SCN3A: variants seen among roughly 807,000 people sequenced by gnomAD.
The protein encoded by SCN3A is sodium voltage-gated channel alpha subunit 3, also known as sodium channel protein type 3 subunit alpha.
Under a neutral mutation model 187.6 loss-of-function variants are expected in SCN3A, and 60 were observed. The ratio of observed to expected loss-of-function variants is 0.32; its 90% confidence interval spans 0.26 to 0.40. The LOEUF is 0.40. Ranked by LOEUF, SCN3A falls within the 10% of genes least tolerant of loss-of-function variation. The pLI is 1.00. For missense variants in SCN3A, 1,601 were observed against 2,428.2 expected, an observed-to-expected ratio of 0.66 and a Z score of 7.16; for synonymous variants, 788 against 829.2, an observed-to-expected ratio of 0.95 and a Z score of 0.85.
At chr2:165,095,897 G>T (rs552501765) in intron 24 of SCN3A, among the ~76,000 whole-genome samples, 1 of 151,850 alleles carries the variant, frequency 6.6e-6, no homozygotes, top group African/African-American at 2.4e-5. Flanking sequence ...CATAAATACG[G>T]TGATATAAGC....
intron 14 of SCN3A, 81 bp from the exon 15 acceptor site, chr2:165,138,198 CA>C (rs1687785975): frequency 4.1e-6 from 4 of 980,546 alleles, no homozygotes; most frequent in Non-Finnish European, 6.6e-6. Flanking sequence ...CATTATTTAA[CA>C]AAATTGATGC....
chr2:165,193,717 C>T (rs1559282661), intron 1 of SCN3A, among the ~76,000 whole-genome samples: 2 of 152,008 alleles, frequency 1.3e-5, no homozygotes, highest in Non-Finnish European at 2.9e-5. Context: ...AAATTGAGAA[C>T]TGGGAACTTG....
At chr2:165,175,181 T>C (rs1276730231) in intron 3 of SCN3A, among the ~76,000 whole-genome samples, 2 of 152,218 alleles carry the variant, frequency 1.3e-5, no homozygotes, top group Non-Finnish European at 2.9e-5. Context: ...AGGTGTTTAA[T>C]ATCTTCCATA....
At position 165,113,045 on chromosome 2, in the gene SCN3A, A is replaced by G. The variant is rs766254817; in HGVS notation, c.3683T>C (p.Ile1228Thr). ...LSSGALAFED[I>T]YIEQRKTIKT... ...GATAGTCTTTCGCTGTTCAATGTAT[A>G]TATCTTCAAAGGCCTATGAATCAAA... Residue 1228 changes from isoleucine (I) to threonine (T), a missense_variant, in exon 21 of 28, where the codon ATA becomes ACA. Around this residue, in one of 11 missense-constraint regions of SCN3A, gnomAD observed 267 missense variants for 313.2 expected, o/e 0.85. Coordinates refer to ENST00000283254, the MANE Select transcript of SCN3A (RefSeq NM_006922.4). 8.7e-6 allele frequency: 14 copies of G among 1,611,832 alleles called. No homozygotes were observed. Among genetic ancestry groups the G allele is most frequent in the Non-Finnish European group, 1.1e-5 (13 of 1,178,764 alleles).
rs1158948700 is a variant in SCN3A at position 165,090,584 on chromosome 2, T to C, written c.5569A>G (p.Thr1857Ala). Residue 1857 changes from threonine to alanine, a missense_variant, in exon 28 of 28, where the codon ACA becomes GCA. Thr to Ala is a moderately conservative substitution (Grantham distance 58). Coordinates refer to ENST00000283254, the MANE Select transcript of SCN3A (RefSeq NM_006922.4). This position sits in a 1 kb window ranked among gnomAD's most constrained non-coding sequence, Gnocchi z 4.0. Reference protein sequence around the residue: ...IHCLDILFAFTKRVLGESGEM... With the variant: ...IHCLDILFAFAKRVLGESGEM... Reference sequence around the variant, plus strand: ...CCACTCTCACCCAAAACACGCTTTGTAAAGGCAAATAAAATATCAAGACAG... The same window carrying C: ...CCACTCTCACCCAAAACACGCTTTGCAAAGGCAAATAAAATATCAAGACAG... 6.2e-7 allele frequency: 1 copy of C among 1,613,942 alleles called. No homozygotes were observed. The highest frequency in any genetic ancestry group is 1.7e-5 in the Admixed American group (1 of 59,980).
chr2:165,155,532 T>C (rs935303905), intron 10 of SCN3A, among the ~76,000 whole-genome samples: 8 of 152,076 alleles, frequency 5.3e-5, no homozygotes, highest in African/African-American at 1.9e-4. Flanking sequence ...CCCTTGTAGC[T>C]AGGGCTACAG....
At chr2:165,108,143 T>C (rs924507085) in intron 21 of SCN3A, among the ~76,000 whole-genome samples, 1 of 152,160 alleles carries the variant, frequency 6.6e-6, no homozygotes. Context: ...TAATTTTCAC[T>C]ATTATTATGT....
intron 11 of SCN3A, among the ~76,000 whole-genome samples, chr2:165,152,810 T>C (rs888257402): frequency 6.6e-6 from 1 of 152,064 alleles, no homozygotes; most frequent in Non-Finnish European, 1.5e-5. Context: ...TTAGGAGGTA[T>C]ACCTAATGTA....
chr2:165,095,474 C>G (rs1010930396), intron 25 of SCN3A, 37 bp downstream of exon 25: 67 of 1,602,304 alleles, frequency 4.2e-5, no homozygotes, highest in Non-Finnish European at 5.3e-5. Context: ...AGACAGAACC[C>G]CAGAATGAAG....
chr2:165,131,373 A>G lies in SCN3A; in HGVS notation c.2436T>C (p.Ile812=). ...GGAAATAGTAATAAGGATCCATGGC[A>G]ATGATCTTGAGAACCATTTCTGCTG... ...IFTAEMVLKI[I]AMDPYYYFQE... The change falls in exon 16 of 28, where the codon ATT becomes ATC. Residue 812 remains isoleucine (I), a synonymous_variant. Coordinates refer to ENST00000283254, the MANE Select transcript of SCN3A (RefSeq NM_006922.4). 1 of 1,606,518 alleles carries G rather than the reference A, an allele frequency of 6.2e-7. No individual in the cohort carries two copies. Among genetic ancestry groups the G allele is most frequent in the Non-Finnish European group, 8.5e-7 (1 of 1,175,416 alleles).
intron 11 of SCN3A, among the ~76,000 whole-genome samples, chr2:165,150,397 C>T (rs1166535841): frequency 6.6e-6 from 1 of 152,188 alleles, no homozygotes; most frequent in Non-Finnish European, 1.5e-5. Flanking sequence ...TCTGTCTTTG[C>T]CTCCACTTCC....
intron 5 of SCN3A, among the ~76,000 whole-genome samples, chr2:165,167,832 A>T (rs947004346): frequency 6.6e-6 from 1 of 152,154 alleles, no homozygotes; most frequent in African/African-American, 2.4e-5. Context: ...ATACTAATAC[A>T]CAACATCCAC....
chr2:165,197,934 T>A (rs1692069708), intron 1 of SCN3A, among the ~76,000 whole-genome samples: 2 of 152,012 alleles, frequency 1.3e-5, no homozygotes, highest in African/African-American at 4.8e-5. Context: ...TATTATTGGC[T>A]ATGACAAAAG....
Position 165,164,469 on chromosome 2 carries a change from T to G in SCN3A, c.525A>C (p.Ala175=). The part of the protein sequence containing the change: ...YTFESLIKIL[A]RGFCLEDFTF... The stretch of plus-strand genomic sequence containing the variant: ...TAAAATCTTCTAAGCAAAACCCTCT[T>G]GCCAAGATTTTTATAAGTGACTCAA... Residue 175 remains alanine, a synonymous_variant, in exon 6 of 28, where the codon GCA becomes GCC. Transcript: ENST00000283254. 1 of 1,613,780 alleles carries G rather than the reference T, an allele frequency of 6.2e-7. No individual in the cohort carries two copies. Among genetic ancestry groups the G allele is most frequent in the Non-Finnish European group, 8.5e-7 (1 of 1,179,806 alleles).
At chr2:165,150,307 T>C (rs1375496961) in intron 11 of SCN3A, among the ~76,000 whole-genome samples, 1 of 152,188 alleles carries the variant, frequency 6.6e-6, no homozygotes. Flanking sequence ...ATTGGCTAGA[T>C]AGTAACTTTT....
At chr2:165,093,767 G>T (rs1032402562) in intron 26 of SCN3A, 6 of 152,296 alleles carry the variant, frequency 3.9e-5, no homozygotes, top group Admixed American at 2.0e-4. Flanking sequence ...TTTGTGACTT[G>T]GGGCATGATT....
chr2:165,122,970 C>A (rs750177891), intron 18 of SCN3A: 4 of 152,158 alleles, frequency 2.6e-5, no homozygotes, highest in Admixed American at 2.6e-4. Context: ...TGGAATTCAA[C>A]TTCAAATATG....
At chr2:165,197,160 C>T (rs1211909734) in intron 1 of SCN3A, among the ~76,000 whole-genome samples, 1 of 152,064 alleles carries the variant, frequency 6.6e-6, no homozygotes, top group Non-Finnish European at 1.5e-5. Flanking sequence ...GAGAAATGGA[C>T]ACAAGTGTAT....
chr2:165,112,791 CATT>C, intron 21 of SCN3A, 91 bp downstream of exon 21: 1 of 1,081,096 alleles, frequency 9.2e-7, no homozygotes, highest in Non-Finnish European at 1.4e-6. Context: ...ATAATTATGT[CATT>C]ATTAGTGAAA....
Sources: gnomAD v4.1 joint callset for allele counts (sites outside exome capture counted in the v4.1 genomes callset) on GRCh38, gnomAD v4.1.1 for gene constraint, gnomAD v4.1.1 regional missense constraint, Gnocchi (gnomAD v3.1) non-coding constraint, MANE v1.5 for transcripts, NCBI Gene and HGNC (gene_info 2026-07-23, HGNC 2026-07-21) for gene names.